PHACTR3: variants seen among roughly 807,000 people sequenced by gnomAD.
PHACTR3 encodes phosphatase and actin regulator 3, also known as protein phosphatase 1, regulatory subunit 123.
A neutral mutation model predicts 66.8 loss-of-function variants in PHACTR3; 16 were observed. The observed-to-expected ratio is 0.24, with a 90% confidence interval of 0.16 to 0.36. PHACTR3 has a LOEUF of 0.36. Among genes scored for constraint, PHACTR3 ranks in the 10% least tolerant of loss-of-function variants. The pLI, the probability that PHACTR3 is intolerant of heterozygous loss-of-function variation, is 1.00. For synonymous variants in PHACTR3, 323 were observed against 292.1 expected, an observed-to-expected ratio of 1.11 and a Z score of -1.08; for missense variants, 647 against 719.9, an observed-to-expected ratio of 0.90 and a Z score of 1.16.
Position 59,743,263 on chromosome 20 carries a change from C to T in PHACTR3, c.275C>T (p.Thr92Met), listed in dbSNP as rs762960052. 4 of 1,614,004 alleles carry T rather than the reference C, an allele frequency of 2.5e-6. No homozygotes were observed. The highest frequency in any genetic ancestry group is 1.3e-5 in the African/African-American group (1 of 75,054). ...KKKNEKLKQT[T>M]SALEKKMAGR... Reference sequence around the variant, plus strand: ...AAAAACGAAAAACTGAAGCAGACAACGTCAGGTAAAGGCCTGGTGACAGGC... The same window carrying T: ...AAAAACGAAAAACTGAAGCAGACAATGTCAGGTAAAGGCCTGGTGACAGGC... Residue 92 changes from threonine (T) to methionine (M), a missense_variant, in exon 2 of 13, where the codon ACG becomes ATG. Coordinates refer to ENST00000371015, the MANE Select transcript of PHACTR3 (RefSeq NM_080672.5).
chr20:59,652,940 A>C (rs1208297258), intron 1 of PHACTR3, among the ~76,000 whole-genome samples: 2 of 152,204 alleles, frequency 1.3e-5, no homozygotes, highest in African/African-American at 4.8e-5. Context: ...ATTGTTTAAA[A>C]TAAATGCTGG....
At chr20:59,692,372 A>G (rs1304420453) in intron 1 of PHACTR3, among the ~76,000 whole-genome samples, 1 of 152,184 alleles carries the variant, frequency 6.6e-6, no homozygotes, top group Non-Finnish European at 1.5e-5. Context: ...GTAACCATCA[A>G]CTTATAAATA....
Position 59,689,400 on chromosome 20 carries a change from G to T in PHACTR3, c.119-53707G>T, listed in dbSNP as rs141375509. 8.5e-3 allele frequency among the ~76,000 whole-genome samples: 1,290 copies of T among 152,360 alleles called. 12 individuals are homozygous for T. The highest frequency in any genetic ancestry group is 0.014 in the Non-Finnish European group (932 of 68,040). On this transcript the variant is annotated intron_variant, in intron 1 of 12. Transcript: ENST00000371015. ...TCAAATGTAGAGTGAGACAGAAATGGCAGGGGCTGAGGAGTTGTTGAGTCC... is the reference window on the plus strand; with the variant it reads ...TCAAATGTAGAGTGAGACAGAAATGTCAGGGGCTGAGGAGTTGTTGAGTCC...
chr20:59,666,640 G>A (rs1370052648), intron 1 of PHACTR3, among the ~76,000 whole-genome samples: 1 of 152,148 alleles, frequency 6.6e-6, no homozygotes. Context: ...GAAAGAGAGA[G>A]AGAGACAAAG....
At chr20:59,774,938 G>GA (rs1441132662) in intron 7 of PHACTR3, among the ~76,000 whole-genome samples, 2 of 152,162 alleles carry the variant, frequency 1.3e-5, no homozygotes, top group Non-Finnish European at 2.9e-5. Context: ...AGCAGGGGGA[G>GA]AGGGAGGAAG....
intron 8 of PHACTR3, among the ~76,000 whole-genome samples, chr20:59,825,725 T>A (rs1198991453): frequency 6.6e-6 from 1 of 152,114 alleles, no homozygotes; most frequent in Non-Finnish European, 1.5e-5. Flanking sequence ...GGGTAACAAC[T>A]TTCTCAGCAG....
At chr20:59,809,502 G>A (rs910329272) in intron 8 of PHACTR3, among the ~76,000 whole-genome samples, 1 of 152,168 alleles carries the variant, frequency 6.6e-6, no homozygotes, top group Non-Finnish European at 1.5e-5. Flanking sequence ...TACTTTGCCT[G>A]AAGTTTTCTT....
chr20:59,703,744 G>A (rs2037594388), intron 1 of PHACTR3, among the ~76,000 whole-genome samples: 4 of 152,008 alleles, frequency 2.6e-5, no homozygotes, highest in Admixed American at 2.6e-4. Context: ...GAAACTCTGA[G>A]CAGTCAGAGT....
At chr20:59,734,831 C>G (rs1248442309) in intron 1 of PHACTR3, among the ~76,000 whole-genome samples, 2 of 152,146 alleles carry the variant, frequency 1.3e-5, no homozygotes, top group African/African-American at 2.4e-5. Flanking sequence ...TAAAATCCTA[C>G]TCAACCTCTA....
chr20:59,635,323 C>T (rs2146406355), intron 1 of PHACTR3, among the ~76,000 whole-genome samples: 1 of 149,926 alleles, frequency 6.7e-6, no homozygotes, highest in South Asian at 2.1e-4. Context: ...CAACCTCCAC[C>T]TCCCAGGTAC....
chr20:59,601,191 A>C (rs1014456633), upstream of PHACTR3, among the ~76,000 whole-genome samples: 1 of 152,162 alleles, frequency 6.6e-6, no homozygotes. Context: ...GATTGGATGG[A>C]CATTGCATAT....
rs994782222 is a variant in PHACTR3, at chr20:59,842,285, C to A, written c.1587+750C>A. 3.9e-5 allele frequency among the ~76,000 whole-genome samples: 6 copies of A among 152,248 alleles called. 1 individual carries two copies. Among genetic ancestry groups the A allele is most frequent in the Admixed American group, 1.3e-4 (2 of 15,292 alleles). On this transcript the variant is annotated intron_variant, in intron 11 of 12. Transcript: ENST00000371015. ...CTATTAATTTTCAGAAGACTTAAAG[C>A]CTTTAGGAAGAGAAAAATTATACAT...
chr20:59,617,605 A>G (rs767898985), intron 1 of PHACTR3, among the ~76,000 whole-genome samples: 3 of 151,898 alleles, frequency 2.0e-5, no homozygotes, highest in Non-Finnish European at 4.4e-5. Context: ...AATCTTTAGC[A>G]AGGAGGAGGT....
rs1380330189 is a variant in PHACTR3, at chr20:59,829,978, C to T, written c.1329-6527C>T. 6.6e-6 allele frequency among the ~76,000 whole-genome samples: 1 copy of T among 152,172 alleles called. No homozygotes were observed. The highest frequency in any genetic ancestry group is 2.4e-5 in the African/African-American group (1 of 41,400). ...ATGCTTCTCCTGACCCCGTGTCCTT[C>T]CACTTCCTGAAATTACCTGCAGCCC... is the stretch of plus-strand genomic sequence containing the variant. On this transcript the variant is annotated intron_variant, in intron 8 of 12. Coordinates refer to ENST00000371015, the MANE Select transcript of PHACTR3 (RefSeq NM_080672.5). This position sits in a 1 kb window ranked among gnomAD's most constrained non-coding sequence, Gnocchi z 4.2.
chr20:59,654,062 A>T (rs1282835806), intron 1 of PHACTR3, among the ~76,000 whole-genome samples: 1 of 152,340 alleles, frequency 6.6e-6, no homozygotes, highest in Admixed American at 6.5e-5. Context: ...CTGCTGGCTA[A>T]GAGGAATTGC....
At chr20:59,642,749 C>G (rs1322136829) in intron 1 of PHACTR3, among the ~76,000 whole-genome samples, 1 of 152,094 alleles carries the variant, frequency 6.6e-6, no homozygotes, top group African/African-American at 2.4e-5. Flanking sequence ...AGGCTAAATT[C>G]CTAGAAGCTG....
intron 1 of PHACTR3, among the ~76,000 whole-genome samples, chr20:59,677,425 G>A (rs543689244): frequency 1.3e-5 from 2 of 152,246 alleles, no homozygotes; most frequent in Middle Eastern, 3.4e-3. Flanking sequence ...TGGACTTTTG[G>A]TTCTGAAAAA....
intron 1 of PHACTR3, among the ~76,000 whole-genome samples, chr20:59,642,355 T>C (rs1240458134): frequency 2.0e-5 from 3 of 152,086 alleles, no homozygotes; most frequent in Admixed American, 2.0e-4. Flanking sequence ...ATATTTATTA[T>C]TGAAAATTCA....
At chr20:59,769,469 C>T (rs1019702166) in intron 5 of PHACTR3, among the ~76,000 whole-genome samples, 1 of 152,220 alleles carries the variant, frequency 6.6e-6, no homozygotes, top group Non-Finnish European at 1.5e-5. Context: ...CCTGGGACGG[C>T]ATCTCCCTCA....
Sources: allele counts gnomAD v4.1 joint callset (sites outside exome capture counted in the v4.1 genomes callset), GRCh38; gene constraint gnomAD v4.1.1; non-coding constraint Gnocchi (gnomAD v3.1); transcripts MANE v1.5; gene names NCBI Gene and HGNC (gene_info 2026-07-23, HGNC 2026-07-21).